PACRG: variants seen among roughly 807,000 people sequenced by gnomAD.
PACRG encodes parkin coregulated, also known as parkin coregulated gene protein.
In PACRG, 29 loss-of-function variants were observed where a neutral mutation model predicts 29.7. The observed-to-expected ratio is 0.98, with a 90% CI of 0.73 to 1.33. The LOEUF (loss-of-function observed/expected upper bound fraction) is 1.33, where lower values mean the gene tolerates loss of function less well. Ranked by LOEUF, PACRG falls within the 40% of genes most tolerant of loss-of-function variation. The pLI is 0.00. For synonymous variants in PACRG, 116 were observed against 118.7 expected (o/e 0.98, Z 0.15); for missense variants, 279 against 316.2 (o/e 0.88, Z 0.89).
intron 4 of PACRG, among the ~76,000 whole-genome samples, chr6:163,126,080 C>CGTGT (rs1310358004): frequency 6.6e-6 from 1 of 152,114 alleles, no homozygotes; most frequent in Non-Finnish European, 1.5e-5. Context: ...AAAACACTTA[C>CGTGT]GTATATCCTA....
At chr6:162,880,071 G>A (rs1176619350) in intron 2 of PACRG, among the ~76,000 whole-genome samples, 1 of 152,150 alleles carries the variant, frequency 6.6e-6, no homozygotes, top group Non-Finnish European at 1.5e-5. Flanking sequence ...AAACAGACAT[G>A]TAAATGGGGG....
At chr6:163,247,899 T>C (rs914036317) in intron 4 of PACRG, among the ~76,000 whole-genome samples, 3 of 152,212 alleles carry the variant, frequency 2.0e-5, no homozygotes, top group African/African-American at 7.2e-5. Flanking sequence ...GTTTTTATTC[T>C]ATGTATTAAA....
Position 163,191,865 on chromosome 6 carries a change from G to T in PACRG, c.613+102457G>T, listed in dbSNP as rs559661506. 7.1e-6 allele frequency: 3 copies of T among 422,190 alleles called. No individual in the cohort carries two copies. The Admixed American group carries it at 7.4e-5, about 10-fold the overall frequency. The allele number at this position is 422,190 out of a possible 1,614,324, so 26.2% of individuals were successfully genotyped here. A position where few individuals can be genotyped will look rare whatever the true frequency, so the allele number is the denominator to read the frequency against. ...TCCCTCCCAATGAAAGCCACACCCCGCCTGGTGTCTCACACCCCAAAGCAG... is the reference window on the plus strand; with the variant it reads ...TCCCTCCCAATGAAAGCCACACCCCTCCTGGTGTCTCACACCCCAAAGCAG... On this transcript the variant is annotated intron_variant, in intron 4 of 4. Coordinates refer to ENST00000366888, the MANE Select transcript of PACRG (RefSeq NM_001080379.2).
chr6:162,788,462 G>A (rs1784684604), intron 1 of PACRG, among the ~76,000 whole-genome samples: 1 of 152,224 alleles, frequency 6.6e-6, no homozygotes, highest in African/African-American at 2.4e-5. Context: ...TATGAATGAA[G>A]ATGTAAACAT....
chr6:163,228,379 C>CA lies in PACRG; in HGVS notation c.614-86421dup, dbSNP rs11362557. On this transcript the variant is annotated intron_variant, in intron 4 of 4. Coordinates refer to ENST00000366888, the MANE Select transcript of PACRG (RefSeq NM_001080379.2). ...TAAGCTTTGGAAATCTTTAAGCAGG[C>CA]AAAAAAAAAAAAAAAAAAAAAAAAA... 8.5e-3 allele frequency among the ~76,000 whole-genome samples: 580 copies of CA among 68,120 alleles called. 17 individuals are homozygous for CA. The highest frequency in any genetic ancestry group is 0.034 in the South Asian group (55 of 1,600). The allele number at this position is 68,120 out of a possible 152,430, so 44.7% of individuals were successfully genotyped here.
intron 4 of PACRG, among the ~76,000 whole-genome samples, chr6:163,206,640 A>G (rs1193644014): frequency 1.3e-5 from 2 of 152,176 alleles, no homozygotes; most frequent in African/African-American, 4.8e-5. Context: ...TGTACACCAA[A>G]CATCTGAGAC....
At chr6:163,081,553 T>C (rs34811235) in intron 3 of PACRG, among the ~76,000 whole-genome samples, 2,743 of 152,250 alleles carry the variant, frequency 0.018, 32 homozygotes, top group Non-Finnish European at 0.029. Context: ...ACCCAGAAGT[T>C]TGAGACTAGC....
intron 2 of PACRG, among the ~76,000 whole-genome samples, chr6:162,974,889 A>G (rs1201776538): frequency 6.6e-6 from 1 of 152,182 alleles, no homozygotes; most frequent in East Asian, 1.9e-4. Flanking sequence ...GGTCTGAGTC[A>G]CTGTCCTGTG....
intron 2 of PACRG, among the ~76,000 whole-genome samples, chr6:162,847,125 CTG>C (rs2128420083): frequency 6.6e-6 from 1 of 152,138 alleles, no homozygotes; most frequent in Non-Finnish European, 1.5e-5. Flanking sequence ...GCTCCCCACA[CTG>C]TGATGCTCCC....
At chr6:163,204,330 C>A (rs991117976) in intron 4 of PACRG, among the ~76,000 whole-genome samples, 1 of 152,118 alleles carries the variant, frequency 6.6e-6, no homozygotes, top group African/African-American at 2.4e-5. Flanking sequence ...AAATTTGAAT[C>A]CACCTTTATG....
chr6:163,165,949 G>A (rs1778784680), intron 4 of PACRG: 1 of 370,632 alleles, frequency 2.7e-6, no homozygotes, highest in African/African-American at 2.1e-5. Flanking sequence ...CTTCAATACA[G>A]AATTATTTTT....
At chr6:163,222,077 G>T (rs530734267) in intron 4 of PACRG, among the ~76,000 whole-genome samples, 1 of 151,312 alleles carries the variant, frequency 6.6e-6, no homozygotes, top group East Asian at 1.9e-4. Flanking sequence ...AGTTGTTCAG[G>T]TGCGCTGACC....
chr6:163,057,551 G>A (rs1810705923), intron 2 of PACRG, among the ~76,000 whole-genome samples: 1 of 152,128 alleles, frequency 6.6e-6, no homozygotes, highest in Admixed American at 6.5e-5. Flanking sequence ...AAATAGCTGG[G>A]ACCACAGGTG....
intron 4 of PACRG, among the ~76,000 whole-genome samples, chr6:163,194,401 C>T (rs950869809): frequency 6.6e-6 from 1 of 151,824 alleles, no homozygotes; most frequent in Non-Finnish European, 1.5e-5. Context: ...TGTCACCCTC[C>T]TTCCCTCCTT....
At chr6:163,123,161 T>A (rs562297505) in intron 4 of PACRG, among the ~76,000 whole-genome samples, 1 of 152,338 alleles carries the variant, frequency 6.6e-6, no homozygotes, top group East Asian at 1.9e-4. Flanking sequence ...GGTGTCTGAT[T>A]TGCTTAGGGC....
chr6:163,198,864 C>T (rs891738679), intron 4 of PACRG, among the ~76,000 whole-genome samples: 1 of 152,164 alleles, frequency 6.6e-6, no homozygotes, highest in Non-Finnish European at 1.5e-5. Flanking sequence ...CACGAGACAT[C>T]AGTCAGTACA....
intron 4 of PACRG, among the ~76,000 whole-genome samples, chr6:163,172,495 C>CACATACAT (rs1562949078): frequency 6.6e-6 from 1 of 152,072 alleles, no homozygotes; most frequent in African/African-American, 2.4e-5. Flanking sequence ...CACACACACA[C>CACATACAT]GCATGCATGC....
chr6:162,765,364 A>G (rs1307544786), intron 1 of PACRG, among the ~76,000 whole-genome samples: 1 of 152,016 alleles, frequency 6.6e-6, no homozygotes. Context: ...ACCCAGTACT[A>G]TTTTCCAGTG....
At chr6:163,285,050 T>C (rs978235186) in intron 4 of PACRG, among the ~76,000 whole-genome samples, 1 of 152,146 alleles carries the variant, frequency 6.6e-6, no homozygotes, top group Non-Finnish European at 1.5e-5. Flanking sequence ...AAATCAGTCA[T>C]GCACTGGTCC....
Sources: gnomAD v4.1 joint callset for allele counts (sites outside exome capture counted in the v4.1 genomes callset) on GRCh38, gnomAD v4.1.1 for gene constraint, MANE v1.5 for transcripts, NCBI Gene and HGNC (gene_info 2026-07-23, HGNC 2026-07-21) for gene names.